Variants in FBXL7 observed in about 807,000 individuals in gnomAD.
The protein encoded by FBXL7 is F-box/LRR-repeat protein 7.
A neutral mutation model predicts 38.3 loss-of-function variants in FBXL7; 12 were observed. The observed-to-expected ratio is 0.31, with a 90% CI of 0.20 to 0.51. FBXL7 has a LOEUF of 0.51. FBXL7 is among the 20% of genes least tolerant of loss of function. FBXL7 has a pLI of 0.98. For missense variants in FBXL7, 567 were observed against 676.4 expected (o/e 0.84, Z 1.79); for synonymous variants, 297 against 300.9 (o/e 0.99, Z 0.13).
At chr5:15,718,719 A>G (rs1281688433) in intron 2 of FBXL7, among the ~76,000 whole-genome samples, 1 of 152,248 alleles carries the variant, frequency 6.6e-6, no homozygotes, top group Non-Finnish European at 1.5e-5. Context: ...ACAATTCTGC[A>G]GTGTTGAAAA....
intron 2 of FBXL7, among the ~76,000 whole-genome samples, chr5:15,719,362 T>C (rs1744133360): frequency 8.1e-6 from 1 of 122,954 alleles, no homozygotes; most frequent in African/African-American, 2.8e-5. Context: ...TTAATGAGCA[T>C]CTCTGATGTT....
chr5:15,835,025 A>G (rs1438035702), intron 2 of FBXL7, among the ~76,000 whole-genome samples: 1 of 152,224 alleles, frequency 6.6e-6, no homozygotes, highest in Non-Finnish European at 1.5e-5. Flanking sequence ...CTTGTAAACT[A>G]CAGTTTCATA....
intron 2 of FBXL7, among the ~76,000 whole-genome samples, chr5:15,724,751 T>A (rs1158640359): frequency 1.3e-5 from 2 of 152,230 alleles, no homozygotes; most frequent in Admixed American, 6.5e-5. Context: ...CTATTTACCG[T>A]AACTTTAGCT....
chr5:15,674,515 T>C (rs746777146), intron 2 of FBXL7, among the ~76,000 whole-genome samples: 1 of 152,200 alleles, frequency 6.6e-6, no homozygotes, highest in Non-Finnish European at 1.5e-5. Flanking sequence ...CTATTCAGAA[T>C]GCAAACTCGC....
At chr5:15,691,052 A>G (rs1357354973) in intron 2 of FBXL7, among the ~76,000 whole-genome samples, 2 of 152,220 alleles carry the variant, frequency 1.3e-5, no homozygotes, top group African/African-American at 2.4e-5. Flanking sequence ...CCTGTATGTG[A>G]CATGGCTTTC....
intron 2 of FBXL7, among the ~76,000 whole-genome samples, chr5:15,799,894 C>T (rs935984003): frequency 2.6e-5 from 4 of 151,882 alleles, no homozygotes; most frequent in Non-Finnish European, 5.9e-5. Flanking sequence ...AACTATCACT[C>T]TCAGCAGTTG....
intron 2 of FBXL7, among the ~76,000 whole-genome samples, chr5:15,859,977 T>C (rs1031585159): frequency 6.6e-6 from 1 of 152,196 alleles, no homozygotes; most frequent in African/African-American, 2.4e-5. Flanking sequence ...AACTCATTCC[T>C]TCATGGGTAG....
At chr5:15,663,584 T>G (rs1307562157) in intron 2 of FBXL7, among the ~76,000 whole-genome samples, 1 of 152,220 alleles carries the variant, frequency 6.6e-6, no homozygotes, top group East Asian at 1.9e-4. Flanking sequence ...GATAATGATG[T>G]GGGTTTTGTC....
intron 2 of FBXL7, among the ~76,000 whole-genome samples, chr5:15,759,517 A>G (rs1352487436): frequency 1.3e-5 from 2 of 152,194 alleles, no homozygotes; most frequent in East Asian, 3.8e-4. Context: ...TTACTTGTAC[A>G]TAGTAACAAA....
rs1554035050 is a variant in FBXL7, at chr5:15,928,720, T to TTTA, written c.739+227_739+229dup. 6.6e-6 allele frequency among the ~76,000 whole-genome samples: 1 copy of TTTA among 152,194 alleles called. No individual in the cohort carries two copies. The highest frequency in any genetic ancestry group is 1.5e-5 in the Non-Finnish European group (1 of 68,034). ...TCAAATAATGTCCACTTCTTTTTTT[T>TTTA]TTATTATTATACTTTAAGTTTTAGG... On this transcript the variant is annotated intron_variant, in intron 3 of 3. Transcript: ENST00000504595. The surrounding 1 kb of genome is among the most constrained non-coding windows in gnomAD (Gnocchi z 4.0).
intron 1 of FBXL7, among the ~76,000 whole-genome samples, chr5:15,537,503 G>C (rs1222805051): frequency 6.6e-6 from 1 of 152,188 alleles, no homozygotes; most frequent in Admixed American, 6.5e-5. Context: ...ATACAAAAGT[G>C]GATATTCTTA....
At chr5:15,737,668 C>T (rs1161476831) in intron 2 of FBXL7, among the ~76,000 whole-genome samples, 1 of 152,126 alleles carries the variant, frequency 6.6e-6, no homozygotes, top group Non-Finnish European at 1.5e-5. Flanking sequence ...TCATGGTAAT[C>T]GTGGAGATGT....
intron 2 of FBXL7, among the ~76,000 whole-genome samples, chr5:15,662,812 G>A (rs12656926): frequency 0.09 from 13,672 of 152,036 alleles, 704 homozygotes; most frequent in South Asian, 0.13. Context: ...ATGGTCATAC[G>A]TGTGTGACCT....
At chr5:15,569,198 A>G (rs1738684662) in intron 1 of FBXL7, among the ~76,000 whole-genome samples, 1 of 152,138 alleles carries the variant, frequency 6.6e-6, no homozygotes, top group Non-Finnish European at 1.5e-5. Context: ...CCATTTTCAC[A>G]ATATTGATTC....
intron 2 of FBXL7, among the ~76,000 whole-genome samples, chr5:15,846,517 G>A (rs1738907646): frequency 1.3e-5 from 2 of 152,174 alleles, no homozygotes; most frequent in Non-Finnish European, 2.9e-5. Context: ...GAATGCAAGG[G>A]TAGGGGGACT....
intron 1 of FBXL7, among the ~76,000 whole-genome samples, chr5:15,615,116 A>T (rs1382767488): frequency 6.6e-6 from 1 of 152,200 alleles, no homozygotes; most frequent in Non-Finnish European, 1.5e-5. Context: ...ATCACTGGGC[A>T]GTAGAGTGTG....
At chr5:15,676,836 A>ATGTTCCATATGTTAAATC (rs1381761150) in intron 2 of FBXL7, among the ~76,000 whole-genome samples, 70 of 152,328 alleles carry the variant, frequency 4.6e-4, no homozygotes, top group African/African-American at 1.6e-3. Flanking sequence ...CCCCAAGTAA[A>ATGTTCCATATGTTAAATC]TGTTCCATAT....
chr5:15,553,324 T>C (rs1469586783), intron 1 of FBXL7, among the ~76,000 whole-genome samples: 1 of 152,202 alleles, frequency 6.6e-6, no homozygotes, highest in Admixed American at 6.5e-5. Flanking sequence ...CTCTTCCCTC[T>C]TTACCTTGTT....
chr5:15,623,248 G>T (rs1740710248), intron 2 of FBXL7, among the ~76,000 whole-genome samples: 1 of 152,200 alleles, frequency 6.6e-6, no homozygotes. Flanking sequence ...GAAAGGATCT[G>T]CCCCGTAGGT....
Sources: gnomAD v4.1 joint callset for allele counts (sites outside exome capture counted in the v4.1 genomes callset) on GRCh38, gnomAD v4.1.1 for gene constraint, Gnocchi (gnomAD v3.1) non-coding constraint, MANE v1.5 for transcripts, NCBI Gene and HGNC (gene_info 2026-07-23, HGNC 2026-07-21) for gene names.